CDH23: variants seen among roughly 807,000 people sequenced by gnomAD.
CDH23 encodes the protein cadherin related 23.
CDH23 carries 189 observed loss-of-function variants against 317.1 expected under a neutral mutation model. That is an observed-to-expected ratio of 0.60 (90% CI 0.53 to 0.67). The LOEUF (loss-of-function observed/expected upper bound fraction) is 0.67. Ranked by LOEUF, CDH23 falls within the 30% of genes least tolerant of loss-of-function variation. CDH23 has a pLI of 0.00. For synonymous variants in CDH23, 1,839 were observed against 1,876.8 expected (o/e 0.98, Z 0.52); for missense variants, 4,401 against 4,592.4 (o/e 0.96, Z 1.20).
At chr10:71,587,214 C>T (rs1859136085) in intron 9 of CDH23, among the ~76,000 whole-genome samples, 1 of 152,252 alleles carries the variant, frequency 6.6e-6, no homozygotes, top group Admixed American at 6.5e-5. Flanking sequence ...GCTTCTAAAA[C>T]TCACATTTTT....
intron 38 of CDH23, chr10:71,749,350 AGGCTGGAGTGTAGTG>A (rs1839934088): frequency 6.6e-6 from 1 of 152,258 alleles, no homozygotes; most frequent in Non-Finnish European, 1.5e-5. Flanking sequence ...CTCCGTCCCC[AGGCTGGAGTGTAGTG>A]GCTCGAACAC....
rs192507899 is a variant in CDH23, at chr10:71,729,880, G to A, written c.3580-589G>A. Among the ~76,000 whole-genome samples, 565 of 151,912 alleles carry A rather than the reference G, an allele frequency of 3.7e-3. 14 individuals are homozygous for A. In the East Asian group the frequency reaches 0.079, roughly 21 times the overall value. On this transcript the variant is annotated intron_variant, in intron 30 of 69. Transcript: ENST00000224721. The stretch of plus-strand genomic sequence containing the variant: ...GATGGAGTCTCGCTCTGTTGCCCAG[G>A]CTGGAGTGCAGTGGCGCGATCTTGG...
chr10:71,756,761 C>T (rs1222956309), intron 38 of CDH23, among the ~76,000 whole-genome samples: 2 of 152,196 alleles, frequency 1.3e-5, no homozygotes, highest in Non-Finnish European at 2.9e-5. Context: ...GCTGGGATAC[C>T]TTGTCACAGT....
At chr10:71,529,025 T>C (rs1292544969) in intron 6 of CDH23, among the ~76,000 whole-genome samples, 1 of 152,194 alleles carries the variant, frequency 6.6e-6, no homozygotes, top group African/African-American at 2.4e-5. Context: ...ACTTTGAGTC[T>C]CTCTTCCCCC....
intron 1 of CDH23, among the ~76,000 whole-genome samples, chr10:71,408,993 G>T (rs1040390905): frequency 6.6e-6 from 1 of 152,218 alleles, no homozygotes; most frequent in African/African-American, 2.4e-5. Context: ...GCTGATGTAA[G>T]GGTGGGCTTT....
intron 18 of CDH23, among the ~76,000 whole-genome samples, chr10:71,686,508 G>C (rs566446885): frequency 1.3e-5 from 2 of 152,116 alleles, no homozygotes; most frequent in Admixed American, 1.3e-4. Flanking sequence ...CCCAAGGGGG[G>C]TGCAGCCAGA....
chr10:71,562,001 T>A (rs1227491728), intron 6 of CDH23, among the ~76,000 whole-genome samples: 1 of 151,618 alleles, frequency 6.6e-6, no homozygotes, highest in Non-Finnish European at 1.5e-5. Context: ...CCAGGGCGAG[T>A]GTCCACAATG....
chr10:71,547,408 C>T (rs560068037), intron 6 of CDH23, among the ~76,000 whole-genome samples: 9 of 152,236 alleles, frequency 5.9e-5, no homozygotes, highest in African/African-American at 2.2e-4. Context: ...TGGAGGGAGG[C>T]GAGGAGTCAG....
At chr10:71,733,803 T>C (rs1006735714) in intron 32 of CDH23, among the ~76,000 whole-genome samples, 10 of 152,236 alleles carry the variant, frequency 6.6e-5, no homozygotes, top group African/African-American at 2.2e-4. Context: ...CAGAATTCCT[T>C]CTTTGAAAGT....
At chr10:71,585,312 A>G (rs936294965) in intron 9 of CDH23, among the ~76,000 whole-genome samples, 1 of 152,138 alleles carries the variant, frequency 6.6e-6, no homozygotes, top group African/African-American at 2.4e-5. Flanking sequence ...AATATCTGTG[A>G]ATGCCACCCT....
At chr10:71,476,164 T>C (rs1043697726) in intron 3 of CDH23, among the ~76,000 whole-genome samples, 1 of 152,142 alleles carries the variant, frequency 6.6e-6, no homozygotes, top group African/African-American at 2.4e-5. Context: ...AAGGGGAGTT[T>C]TCCTTCCCCC....
At chr10:71,522,070 AGTG>A (rs545521478) in intron 6 of CDH23, among the ~76,000 whole-genome samples, 174 of 151,660 alleles carry the variant, frequency 1.1e-3, no homozygotes, top group African/African-American at 4.0e-3. Context: ...GCCTCATGCC[AGTG>A]GCATGAGTTA....
At chr10:71,539,391 T>G (rs1855871365) in intron 6 of CDH23, among the ~76,000 whole-genome samples, 1 of 152,120 alleles carries the variant, frequency 6.6e-6, no homozygotes, top group Non-Finnish European at 1.5e-5. Flanking sequence ...GGAATAAAAA[T>G]CAGAGGTGTC....
chr10:71,674,592 C>T (rs532038831), intron 14 of CDH23, among the ~76,000 whole-genome samples: 1 of 152,278 alleles, frequency 6.6e-6, no homozygotes, highest in Non-Finnish European at 1.5e-5. Context: ...TATGTACAAC[C>T]TCTTCACCCT....
chr10:71,654,584 G>A (rs1863332746), intron 14 of CDH23, among the ~76,000 whole-genome samples: 2 of 152,196 alleles, frequency 1.3e-5, no homozygotes, highest in Admixed American at 6.5e-5. Flanking sequence ...TCTTTCCTTG[G>A]GATCTGAGGT....
chr10:71,796,599 T>C (rs1841410380), intron 48 of CDH23, among the ~76,000 whole-genome samples: 1 of 152,250 alleles, frequency 6.6e-6, no homozygotes, highest in South Asian at 2.1e-4. Flanking sequence ...TAAATGGTGA[T>C]AAAATACACA....
chr10:71,710,751 G>A (rs1481389471), intron 27 of CDH23, among the ~76,000 whole-genome samples: 1 of 152,252 alleles, frequency 6.6e-6, no homozygotes, highest in Non-Finnish European at 1.5e-5. Flanking sequence ...AGAGGCACCA[G>A]CCCATGCAAG....
chr10:71,598,436 G>C (rs576423720), intron 9 of CDH23, among the ~76,000 whole-genome samples: 3 of 152,202 alleles, frequency 2.0e-5, no homozygotes, highest in African/African-American at 4.8e-5. Flanking sequence ...CCTTTGCTCC[G>C]GGCCCTCTCC....
intron 3 of CDH23, among the ~76,000 whole-genome samples, chr10:71,452,268 G>A (rs542717833): frequency 4.1e-4 from 62 of 152,256 alleles, no homozygotes; most frequent in African/African-American, 1.5e-3. Flanking sequence ...AGGGCATTGA[G>A]GCCCTGCACC....
Sources: gnomAD v4.1 joint callset for allele counts (sites outside exome capture counted in the v4.1 genomes callset) on GRCh38, gnomAD v4.1.1 for gene constraint, MANE v1.5 for transcripts, NCBI Gene and HGNC (gene_info 2026-07-23, HGNC 2026-07-21) for gene names.